The following CILK1 variants were observed in gnomAD, a reference collection of about 807,000 sequenced individuals.
The protein encoded by CILK1 is serine/threonine-protein kinase ICK.
Under a neutral mutation model 79.2 loss-of-function variants are expected in CILK1, and 47 were observed. The ratio of observed to expected loss-of-function variants is 0.59; its 90% confidence interval spans 0.47 to 0.76. The LOEUF (loss-of-function observed/expected upper bound fraction) is 0.76, where lower values mean the gene tolerates loss of function less well. Among genes scored for constraint, CILK1 ranks in the 30% least tolerant of loss-of-function variants. The pLI, the probability that CILK1 is intolerant of heterozygous loss-of-function variation, is 0.00. For synonymous variants in CILK1, 266 were observed against 275.9 expected (o/e 0.96, Z 0.36); for missense variants, 660 against 769.5 (o/e 0.86, Z 1.68).
At chr6:53,038,789 T>C (rs1459419117) in intron 2 of CILK1, among the ~76,000 whole-genome samples, 2 of 151,894 alleles carry the variant, frequency 1.3e-5, no homozygotes, top group Admixed American at 6.5e-5. Flanking sequence ...ATATGGCCTG[T>C]GAAGCTTAAA....
At chr6:53,013,620 A>C (rs765669102) in intron 9 of CILK1, 42 bp downstream of exon 9, 5 of 1,567,324 alleles carry the variant, frequency 3.2e-6, no homozygotes, top group African/African-American at 1.4e-5. Flanking sequence ...CAGAAGAGGA[A>C]TAAACAGACA....
intron 5 of CILK1, among the ~76,000 whole-genome samples, chr6:53,029,074 A>G (rs562638377): frequency 6.6e-6 from 1 of 152,232 alleles, no homozygotes; most frequent in East Asian, 1.9e-4. Context: ...AGAAGAAAAA[A>G]CCAAAGAATA....
chr6:53,026,879 T>A (rs555204250), intron 5 of CILK1, among the ~76,000 whole-genome samples: 32 of 152,338 alleles, frequency 2.1e-4, no homozygotes, highest in African/African-American at 7.2e-4. Flanking sequence ...GCCAGCTGAA[T>A]AACAGAGGGA....
chr6:53,016,366 A>G, intron 7 of CILK1, 116 bp from the exon 8 acceptor site: 4 of 921,484 alleles, frequency 4.3e-6, no homozygotes, highest in Non-Finnish European at 7.1e-6. Context: ...ACCCACATTC[A>G]TTAACCACCC....
intron 1 of CILK1, among the ~76,000 whole-genome samples, chr6:53,057,317 G>A (rs1010017362): frequency 2.6e-5 from 4 of 152,132 alleles, no homozygotes; most frequent in African/African-American, 7.2e-5. Flanking sequence ...CTAAAAAAAC[G>A]TGTGGTTCTC....
chr6:53,028,004 G>A (rs1461286430), intron 5 of CILK1, among the ~76,000 whole-genome samples: 2 of 152,186 alleles, frequency 1.3e-5, no homozygotes, highest in South Asian at 2.1e-4. Flanking sequence ...AAAATTAGCC[G>A]GGTGTGGTGG....
At chr6:53,046,595 G>A (rs779255857) in intron 1 of CILK1, among the ~76,000 whole-genome samples, 4 of 152,314 alleles carry the variant, frequency 2.6e-5, no homozygotes, top group Non-Finnish European at 5.9e-5. Flanking sequence ...TACCATGGCA[G>A]TTACTTTCTA....
Position 53,011,854 on chromosome 6 carries a change from G to A in CILK1, c.1407C>T (p.Thr469=). 1 of 1,614,170 alleles carries A rather than the reference G, an allele frequency of 6.2e-7. No homozygotes were observed. Among genetic ancestry groups the A allele is most frequent in the South Asian group, 1.1e-5 (1 of 91,080 alleles). Residue 469 remains threonine, a synonymous_variant, in exon 11 of 14, where the codon ACC becomes ACT. Coordinates refer to ENST00000676107, the MANE Select transcript of CILK1 (RefSeq NM_014920.5). The stretch of plus-strand genomic sequence containing the variant: ...TGTCTCGCCGCTGATATGACGTCTG[G>A]GTGGGGGCACTGTTTCCTGTGCCCA... ...EPVGTGNSAP[T]QTSYQRRDTP...
intron 1 of CILK1, among the ~76,000 whole-genome samples, chr6:53,048,856 A>G (rs1767284387): frequency 6.6e-6 from 1 of 152,184 alleles, no homozygotes; most frequent in African/African-American, 2.4e-5. Flanking sequence ...TCTGTTTAGG[A>G]GTGGTGCCAT....
At position 53,004,980 on chromosome 6, in the gene CILK1, TAA is replaced by T; in HGVS notation, c.*167_*168del. The T allele has an allele frequency of 1.5e-6, 1 of 683,976 alleles. No homozygotes were observed. 42.4% of individuals were successfully genotyped at this position (683,976 alleles called of 1,614,324 possible). ...GCCTACTGCATTCAAATCAATATTT[TAA>T]AAAAAAACTTTAAAAAAGAATATTG... On this transcript the variant is annotated 3_prime_UTR_variant, in exon 14 of 14. Transcript: ENST00000676107.
rs1249266331 is a variant in CILK1, at chr6:53,013,755, T to C, written c.1059A>G (p.Ala353=). 5 of 1,614,028 alleles carry C rather than the reference T, an allele frequency of 3.1e-6. No homozygotes were observed. Among genetic ancestry groups the C allele is most frequent in the Non-Finnish European group, 3.4e-6 (4 of 1,180,030 alleles). ...TTGGGTGATCTGTCCTGGAGACCTC[T>C]GCTTTGTAGGGGTACGTGAGATGCA... ...PPLHLTYPYK[A]EVSRTDHPSH... is the part of the protein sequence containing the mutation. Residue 353 remains alanine (A), a synonymous_variant, in exon 9 of 14, where the codon GCA becomes GCG. Transcript: ENST00000676107.
At chr6:53,057,183 T>G (rs1767956530) in intron 1 of CILK1, among the ~76,000 whole-genome samples, 1 of 152,214 alleles carries the variant, frequency 6.6e-6, no homozygotes, top group Admixed American at 6.5e-5. Context: ...AATAGTACTT[T>G]CCTTTCCGGT....
chr6:53,017,931 T>C (rs1764987970), intron 7 of CILK1, among the ~76,000 whole-genome samples: 1 of 151,846 alleles, frequency 6.6e-6, no homozygotes, highest in Non-Finnish European at 1.5e-5. Flanking sequence ...AATGATGAGT[T>C]TGAGGTGATG....
chr6:53,014,085 C>T, intron 8 of CILK1, 103 bp from the exon 9 acceptor site: 1 of 922,718 alleles, frequency 1.1e-6, no homozygotes, highest in Non-Finnish European at 1.7e-6. Context: ...ACTACTGTTT[C>T]TTAGCCCAAT....
rs756593807 is a variant in CILK1 at position 53,032,605 on chromosome 6, A to G, written c.206T>C (p.Ile69Thr). ...AAAATAAAGATGATCATTTTCCCTG[A>G]TAACTTCTTTTAATTTGACTACATT... ...HANVVKLKEV[I>T]RENDHLYFIF... The change falls in exon 4 of 14, where the codon ATC (isoleucine) becomes ACC (threonine). Residue 69 changes from isoleucine (I) to threonine (T), a missense_variant. Coordinates refer to ENST00000676107, the MANE Select transcript of CILK1 (RefSeq NM_014920.5). 2 of 1,606,256 alleles carry G rather than the reference A, an allele frequency of 1.2e-6. No individual in the cohort carries two copies. The highest frequency in any genetic ancestry group is 1.3e-5 in the African/African-American group (1 of 74,764).
chr6:53,009,659 C>T, intron 11 of CILK1, 92 bp from the exon 12 acceptor site: 2 of 1,102,340 alleles, frequency 1.8e-6, no homozygotes, highest in Non-Finnish European at 2.7e-6. Flanking sequence ...CTCAATTTGT[C>T]AAAAACTCTC....
intron 1 of CILK1, among the ~76,000 whole-genome samples, chr6:53,041,774 G>A (rs1435543423): frequency 6.6e-6 from 1 of 152,198 alleles, no homozygotes; most frequent in East Asian, 1.9e-4. Flanking sequence ...AGTGAGTGTA[G>A]GGTGGGTGTG....
intron 13 of CILK1, 37 bp downstream of exon 13, chr6:53,006,278 T>C: frequency 1.2e-6 from 2 of 1,603,626 alleles, no homozygotes; most frequent in Non-Finnish European, 1.7e-6. Context: ...TAACCATTTG[T>C]TGAGTAAATT....
chr6:53,018,966 T>G (rs1266607831), intron 6 of CILK1, among the ~76,000 whole-genome samples: 1 of 152,222 alleles, frequency 6.6e-6, no homozygotes, highest in Non-Finnish European at 1.5e-5. Flanking sequence ...ACATAATTCT[T>G]TTGTTAAGCT....
Sources: allele counts gnomAD v4.1 joint callset (sites outside exome capture counted in the v4.1 genomes callset), GRCh38; gene constraint gnomAD v4.1.1; transcripts MANE v1.5; gene names NCBI Gene and HGNC (gene_info 2026-07-23, HGNC 2026-07-21).